The following NECAB3 variants were observed in gnomAD, a reference collection of about 807,000 sequenced individuals.
NECAB3 encodes the protein N-terminal EF-hand calcium-binding protein 3.
In NECAB3, 38 loss-of-function variants were observed where a neutral mutation model predicts 57.2. The observed-to-expected ratio is 0.66, with a 90% CI of 0.51 to 0.87. The LOEUF is 0.87. NECAB3 is among the 40% of genes least tolerant of loss of function. NECAB3 has a pLI of 0.00. For synonymous variants in NECAB3, 223 were observed against 222.6 expected (o/e 1.00, Z -0.02); for missense variants, 474 against 527.5 (o/e 0.90, Z 0.99).
chr20:33,673,745 G>T (rs949218420), intron 1 of NECAB3, among the ~76,000 whole-genome samples: 1 of 152,176 alleles, frequency 6.6e-6, no homozygotes, highest in Non-Finnish European at 1.5e-5. Flanking sequence ...TGGTGCCCAT[G>T]GTGGCCGCAG....
At chr20:33,667,920 C>A in intron 5 of NECAB3, 1 of 1,566,546 alleles carries the variant, frequency 6.4e-7, no homozygotes, top group East Asian at 2.4e-5. Context: ...AGGGGCTGCC[C>A]GCGCTGGCCT....
chr20:33,660,228 A>C lies in NECAB3; in HGVS notation c.524+31T>G. The C allele has an allele frequency of 2.5e-6, 4 of 1,606,458 alleles. No homozygotes were observed. Among genetic ancestry groups the C allele is most frequent in the Non-Finnish European group, 3.4e-6 (4 of 1,175,478 alleles). On this transcript the variant is annotated intron_variant, in intron 6 of 11. Coordinates refer to ENST00000246190, the MANE Select transcript of NECAB3 (RefSeq NM_031232.4). This position sits in a 1 kb window ranked among gnomAD's most constrained non-coding sequence, Gnocchi z 4.1. ...GGGGTACAATGGGCGCTTGTGCACT[A>C]GCCCCACAGGTTGACAGCACCCTTA...
At position 33,674,406 on chromosome 20, in the gene NECAB3, C is replaced by T. The variant is rs2017906968; in HGVS notation, c.-54G>A. 2.7e-6 allele frequency: 3 copies of T among 1,122,918 alleles called. No homozygotes were observed. The highest frequency in any genetic ancestry group is 4.9e-5 in the Admixed American group (1 of 20,232). 69.6% of individuals were successfully genotyped at this position (1,122,918 alleles called of 1,614,324 possible). A position where few individuals can be genotyped will look rare whatever the true frequency, so the allele number is the denominator to read the frequency against. On this transcript the variant is annotated 5_prime_UTR_variant, in exon 1 of 12. Coordinates refer to ENST00000246190, the MANE Select transcript of NECAB3 (RefSeq NM_031232.4). ...CGGTTGCTGCCGACCCTGGACGCCG[C>T]GGCGGACTCGGTGTGGCTAGAGGCC...
In NECAB3 at chr20:33,660,120, CACCCCGCCATGGCT is replaced by C. The variant is rs2017418470; in HGVS notation, c.524+125_525-118del. The stretch of plus-strand genomic sequence containing the variant: ...CCTAGCCCCAAAGCCAGTCTCATTT[CACCCCGCCATGGCT>C]ACCCTGCCATGGCTTCCCCGCCCGA... On this transcript the variant is annotated intron_variant, in intron 6 of 11. Transcript: ENST00000246190. This position sits in a 1 kb window ranked among gnomAD's most constrained non-coding sequence, Gnocchi z 4.1. The C allele has an allele frequency of 6.6e-7, 1 of 1,525,236 alleles. No individual in the cohort carries two copies. The highest frequency in any genetic ancestry group is 8.8e-7 in the Non-Finnish European group (1 of 1,138,660). The allele number at this position is 1,525,236 out of a possible 1,614,324, so 94.5% of individuals were successfully genotyped here.
intron 5 of NECAB3, chr20:33,668,189 T>G (rs766479720): frequency 1.2e-6 from 2 of 1,610,198 alleles, no homozygotes; most frequent in East Asian, 2.2e-5. Context: ...ACTCGGGCCA[T>G]GTACCAGGAG....
In NECAB3 at chr20:33,658,046, A is replaced by C; in HGVS notation, c.1071-13T>G. The C allele has an allele frequency of 6.5e-7, 1 of 1,549,612 alleles. No individual in the cohort carries two copies. The highest frequency in any genetic ancestry group is 8.7e-7 in the Non-Finnish European group (1 of 1,146,494). ...CGACTGCTGGTGCCTGCAGAGACCC[A>C]GGCTACAGTGACCTCGCTCTCCCCA... On this transcript the variant is annotated splice_polypyrimidine_tract_variant and intron_variant, in intron 10 of 11. Coordinates refer to ENST00000246190, the MANE Select transcript of NECAB3 (RefSeq NM_031232.4).
Position 33,660,090 on chromosome 20 carries a change from C to T in NECAB3, c.525-87G>A, listed in dbSNP as rs763233727. The T allele has an allele frequency of 1.3e-5, 19 of 1,518,422 alleles. No individual in the cohort carries two copies. The highest frequency in any genetic ancestry group is 4.7e-5 in the East Asian group (2 of 42,986). 94.1% of individuals were successfully genotyped at this position (1,518,422 alleles called of 1,614,324 possible). A position where few individuals can be genotyped will look rare whatever the true frequency, so the allele number is the denominator to read the frequency against. ...GGGGAAGACAAGCCTCCTGGGACTC[C>T]GAGGCCTAGCCCCAAAGCCAGTCTC... On this transcript the variant is annotated intron_variant, in intron 6 of 11. Coordinates refer to ENST00000246190, the MANE Select transcript of NECAB3 (RefSeq NM_031232.4). The surrounding 1 kb of genome is among the most constrained non-coding windows in gnomAD (Gnocchi z 4.1).
chr20:33,657,835 G>A lies in NECAB3; in HGVS notation c.1185C>T (p.Asn395=), dbSNP rs1385630753. 6 of 1,539,994 alleles carry A rather than the reference G, an allele frequency of 3.9e-6. No individual in the cohort carries two copies. The East Asian group carries it at 9.8e-5, about 25-fold the overall frequency. Residue 395 remains asparagine (N), a synonymous_variant, in exon 12 of 12, where the codon AAC becomes AAT. Transcript: ENST00000246190. ...FFPASWWIMN[N]N is the part of the protein sequence containing the mutation. ...CGGCGTGTGCAGGTCTGGCTCAGTT[G>A]TTATTCATTATCCACCAGGAGGCTG...
chr20:33,663,558 G>T, intron 5 of NECAB3: 1 of 1,610,972 alleles, frequency 6.2e-7, no homozygotes. Flanking sequence ...TTCTCCCCCT[G>T]GACAAGCGGC....
intron 5 of NECAB3, chr20:33,667,763 T>G: frequency 6.2e-7 from 1 of 1,612,598 alleles, no homozygotes; most frequent in Non-Finnish European, 8.5e-7. Context: ...TACGTGTCCC[T>G]GGACTTCGAG....
Position 33,660,064 on chromosome 20 carries a change from TG to T in NECAB3, c.525-62del. On this transcript the variant is annotated intron_variant, in intron 6 of 11. Coordinates refer to ENST00000246190, the MANE Select transcript of NECAB3 (RefSeq NM_031232.4). The surrounding 1 kb of genome is among the most constrained non-coding windows in gnomAD (Gnocchi z 4.1). Reference sequence around the variant, plus strand: ...GGCCCCAGGACGGGATAAGCCTGGGTGGGGAAGACAAGCCTCCTGGGACTCC... The same window carrying T: ...GGCCCCAGGACGGGATAAGCCTGGGTGGGAAGACAAGCCTCCTGGGACTCC... 6.5e-7 allele frequency: 1 copy of T among 1,535,260 alleles called. No homozygotes were observed.
At chr20:33,663,622 G>T in intron 5 of NECAB3, 1 of 1,609,494 alleles carries the variant, frequency 6.2e-7, no homozygotes, top group Non-Finnish European at 8.5e-7. Flanking sequence ...CGCTGGGCTG[G>T]GCTCCCCGGC....
chr20:33,657,895 G>A, intron 11 of NECAB3, 38 bp from the exon 12 acceptor site: 1 of 1,547,814 alleles, frequency 6.5e-7, no homozygotes, highest in Non-Finnish European at 8.7e-7. Context: ...GCCCTCAGGA[G>A]CCCACTGCCC....
intron 5 of NECAB3, chr20:33,667,868 C>T (rs891938283): frequency 6.2e-7 from 1 of 1,602,016 alleles, no homozygotes; most frequent in Admixed American, 1.7e-5. Context: ...TTCCGCTGCC[C>T]CGAACCCATC....
chr20:33,670,542 G>A (rs920178427), intron 3 of NECAB3, 142 bp downstream of exon 3: 15 of 566,910 alleles, frequency 2.6e-5, no homozygotes, highest in East Asian at 2.5e-4. Flanking sequence ...GTAGGCAGGC[G>A]GGTAAAGTTG....
At chr20:33,674,855 C>G (rs1033451529), upstream of NECAB3, 1 of 152,246 alleles carries the variant, frequency 6.6e-6, no homozygotes, top group Non-Finnish European at 1.5e-5. Flanking sequence ...CCAGGCATCC[C>G]GACGCCCGCC....
chr20:33,663,356 C>T (rs975136310), intron 5 of NECAB3: 6 of 649,082 alleles, frequency 9.2e-6, no homozygotes, highest in Non-Finnish European at 1.5e-5. Context: ...GCGGGCTTCC[C>T]CGCGGCCTGA....
In NECAB3 at chr20:33,659,670, C is replaced by T. The variant is rs748075553; in HGVS notation, c.706G>A (p.Asp236Asn). Residue 236 changes from aspartate (D) to asparagine (N), a missense_variant, in exon 8 of 12, where the codon GAC (aspartate) becomes AAC (asparagine). Transcript: ENST00000246190. ...LQVNRLQELI[D>N]QLECKVRAVG... The stretch of plus-strand genomic sequence containing the variant: ...GCCCTCACCTTGCACTCGAGCTGGT[C>T]GATGAGCTCCTGGAGGCGGTTCACC... 9.3e-6 allele frequency: 15 copies of T among 1,610,458 alleles called. No individual in the cohort carries two copies. The highest frequency in any genetic ancestry group is 7.7e-5 in the South Asian group (7 of 90,870).
At chr20:33,672,489 C>A (rs1438851729) in intron 1 of NECAB3, 67 bp from the exon 2 acceptor site, 6 of 1,599,120 alleles carry the variant, frequency 3.8e-6, no homozygotes, top group Non-Finnish European at 4.3e-6. Flanking sequence ...CCCCACTCAA[C>A]CCGACAGGGT....
Sources: allele counts gnomAD v4.1 joint callset (sites outside exome capture counted in the v4.1 genomes callset), GRCh38; gene constraint gnomAD v4.1.1; non-coding constraint Gnocchi (gnomAD v3.1); transcripts MANE v1.5; gene names NCBI Gene and HGNC (gene_info 2026-07-23, HGNC 2026-07-21).